The following OLFM2 variants were observed in gnomAD, a reference collection of about 807,000 sequenced individuals.
The protein encoded by OLFM2 is olfactomedin 2.
Under a neutral mutation model 43.9 loss-of-function variants are expected in OLFM2, and 20 were observed. The ratio of observed to expected loss-of-function variants is 0.46; its 90% CI spans 0.32 to 0.66. The LOEUF is 0.66. Ranked by LOEUF, OLFM2 falls within the 30% of genes least tolerant of loss-of-function variation. OLFM2 has a pLI of 0.04. For missense variants in OLFM2, 416 were observed against 643.6 expected (o/e 0.65, Z 3.83); for synonymous variants, 268 against 278.6 (o/e 0.96, Z 0.38).
At chr19:9,860,139 C>G (rs1302537058) in intron 2 of OLFM2, among the ~76,000 whole-genome samples, 1 of 140,728 alleles carries the variant, frequency 7.1e-6, no homozygotes, top group Non-Finnish European at 1.5e-5. Context: ...CAGAGTGAGA[C>G]TGTCTCAAGG....
chr19:9,886,088 C>A (rs1568375791), intron 1 of OLFM2, among the ~76,000 whole-genome samples: 1 of 119,250 alleles, frequency 8.4e-6, no homozygotes, highest in Non-Finnish European at 1.8e-5. Flanking sequence ...CGGAGCAAGA[C>A]CCTGTCTCAA....
chr19:9,904,850 C>A (rs367695220), intron 1 of OLFM2, among the ~76,000 whole-genome samples: 289 of 151,898 alleles, frequency 1.9e-3, no homozygotes, highest in African/African-American at 6.7e-3. Flanking sequence ...TGAGCTCCAT[C>A]TCTATGCAAA....
chr19:9,907,370 G>A (rs1399591188), intron 1 of OLFM2, among the ~76,000 whole-genome samples: 1 of 151,880 alleles, frequency 6.6e-6, no homozygotes, highest in African/African-American at 2.4e-5. Context: ...CAGGAGAATC[G>A]CTTGAACCCG....
chr19:9,898,746 C>T (rs2046707197), intron 1 of OLFM2, among the ~76,000 whole-genome samples: 1 of 152,146 alleles, frequency 6.6e-6, no homozygotes. Flanking sequence ...TCTCTTCCCC[C>T]AATTCATCAC....
At chr19:9,889,132 G>A (rs1034457125) in intron 1 of OLFM2, among the ~76,000 whole-genome samples, 1 of 151,938 alleles carries the variant, frequency 6.6e-6, no homozygotes, top group Admixed American at 6.6e-5. Flanking sequence ...CCCCTTATGT[G>A]GGTGAGGAAA....
At chr19:9,906,447 C>T (rs768226002) in intron 1 of OLFM2, among the ~76,000 whole-genome samples, 2 of 152,052 alleles carry the variant, frequency 1.3e-5, no homozygotes, top group Admixed American at 6.6e-5. Flanking sequence ...CCCTGAGTAT[C>T]GCAGAAATGA....
intron 1 of OLFM2, among the ~76,000 whole-genome samples, chr19:9,881,577 A>C (rs2046540190): frequency 6.6e-6 from 1 of 152,046 alleles, no homozygotes; most frequent in African/African-American, 2.4e-5. Context: ...CTACAGCCTC[A>C]ACCTCTTGGA....
At chr19:9,875,129 C>T (rs934536141) in intron 1 of OLFM2, among the ~76,000 whole-genome samples, 12 of 152,206 alleles carry the variant, frequency 7.9e-5, no homozygotes, top group Admixed American at 7.9e-4. Flanking sequence ...AGCTTTTCTC[C>T]TTTCAGAAAG....
At chr19:9,927,158 TG>T (rs1402435112) in intron 1 of OLFM2, among the ~76,000 whole-genome samples, 1 of 151,858 alleles carries the variant, frequency 6.6e-6, no homozygotes, top group African/African-American at 2.4e-5. Flanking sequence ...AGCACGCGCC[TG>T]TTAACCCAGT....
intron 1 of OLFM2, among the ~76,000 whole-genome samples, chr19:9,929,885 C>T (rs970664294): frequency 6.6e-6 from 1 of 151,706 alleles, no homozygotes; most frequent in Non-Finnish European, 1.5e-5. Context: ...ACTAAAAATA[C>T]AAAATTAGCT....
At position 9,857,039 on chromosome 19, in the gene OLFM2, C is replaced by G; in HGVS notation, c.581-126G>C. 1.1e-6 allele frequency: 1 copy of G among 906,406 alleles called. No individual in the cohort carries two copies. Among genetic ancestry groups the G allele is most frequent in the Non-Finnish European group, 1.7e-6 (1 of 573,730 alleles). The allele number at this position is 906,406 out of a possible 1,614,324, so 56.1% of individuals were successfully genotyped here. A position where few individuals can be genotyped will look rare whatever the true frequency, so the allele number is the denominator to read the frequency against. The stretch of plus-strand genomic sequence containing the variant: ...CAGGGATGAGGGAAGACTCAAAAAT[C>G]TGGTCCCAATATGTTGTTCAGTTGT... On this transcript the variant is annotated intron_variant, in intron 4 of 5. Coordinates refer to ENST00000264833, the MANE Select transcript of OLFM2 (RefSeq NM_058164.4). The surrounding 1 kb of genome is among the most constrained non-coding windows in gnomAD (Gnocchi z 5.7).
chr19:9,914,955 G>C (rs551654445), intron 1 of OLFM2, among the ~76,000 whole-genome samples: 1 of 152,084 alleles, frequency 6.6e-6, no homozygotes, highest in Non-Finnish European at 1.5e-5. Context: ...TGGCTGGGGA[G>C]GAGCGCCAAG....
chr19:9,895,406 G>T (rs1460304853), intron 1 of OLFM2, among the ~76,000 whole-genome samples: 1 of 151,908 alleles, frequency 6.6e-6, no homozygotes, highest in South Asian at 2.1e-4. Flanking sequence ...TGAGGTGGGG[G>T]ATCACTTGAG....
intron 1 of OLFM2, among the ~76,000 whole-genome samples, chr19:9,890,212 GA>G (rs946287903): frequency 1.3e-5 from 2 of 152,164 alleles, no homozygotes; most frequent in African/African-American, 2.4e-5. Flanking sequence ...AGTGTCTGTG[GA>G]AAAATACCAC....
At chr19:9,868,265 TTG>T (rs1274990701) in intron 1 of OLFM2, among the ~76,000 whole-genome samples, 4 of 152,148 alleles carry the variant, frequency 2.6e-5, no homozygotes, top group African/African-American at 9.7e-5. Flanking sequence ...TTTCACCATG[TTG>T]GCCAGGCTGG....
At chr19:9,869,879 C>T (rs2046429621) in intron 1 of OLFM2, among the ~76,000 whole-genome samples, 3 of 152,234 alleles carry the variant, frequency 2.0e-5, no homozygotes, top group East Asian at 3.9e-4. Flanking sequence ...CTCAGACTCC[C>T]AAAATGCTGG....
At chr19:9,892,133 T>C (rs943492250) in intron 1 of OLFM2, among the ~76,000 whole-genome samples, 1 of 152,038 alleles carries the variant, frequency 6.6e-6, no homozygotes, top group African/African-American at 2.4e-5. Context: ...GTGCCAGGGT[T>C]TGGGGTGTCA....
intron 1 of OLFM2, among the ~76,000 whole-genome samples, chr19:9,895,883 G>A (rs1042939450): frequency 2.6e-5 from 4 of 151,908 alleles, no homozygotes; most frequent in Non-Finnish European, 4.4e-5. Flanking sequence ...TGATTCACCC[G>A]CCTTGGCCTC....
chr19:9,917,751 A>ATGTAG (rs1599499804), intron 1 of OLFM2, among the ~76,000 whole-genome samples: 1 of 97,598 alleles, frequency 1.0e-5, no homozygotes, highest in South Asian at 3.2e-4. Context: ...TCTCTGAAAC[A>ATGTAG]CGTAGTTTGT....
Sources: allele counts gnomAD v4.1 joint callset (sites outside exome capture counted in the v4.1 genomes callset), GRCh38; gene constraint gnomAD v4.1.1; non-coding constraint Gnocchi (gnomAD v3.1); transcripts MANE v1.5; gene names NCBI Gene and HGNC (gene_info 2026-07-23, HGNC 2026-07-21).